Variants in SLC44A5 observed in about 807,000 individuals in gnomAD.
The protein encoded by SLC44A5 is choline transporter-like protein 5.
SLC44A5 carries 57 observed loss-of-function variants against 101.8 expected under a neutral mutation model. That is an observed-to-expected ratio of 0.56 (90% CI 0.45 to 0.70). The LOEUF (loss-of-function observed/expected upper bound fraction) is 0.70, where lower values mean the gene tolerates loss of function less well. Ranked by LOEUF, SLC44A5 falls within the 30% of genes least tolerant of loss-of-function variation. The pLI is 0.00. For synonymous variants in SLC44A5, 281 were observed against 290.9 expected (o/e 0.97, Z 0.35); for missense variants, 737 against 853.1 (o/e 0.86, Z 1.70).
At chr1:75,628,542 A>G in the SLC44A5 span, among the ~76,000 whole-genome samples, 1 of 152,184 alleles carries the variant, frequency 6.6e-6, no homozygotes, top group Non-Finnish European at 1.5e-5. Context: ...AAGAGAGTTT[A>G]AGGTTTCGAT....
intron 1 of SLC44A5, among the ~76,000 whole-genome samples, chr1:75,552,224 A>G (rs368313643): frequency 4.6e-5 from 7 of 152,142 alleles, no homozygotes; most frequent in African/African-American, 1.7e-4. Context: ...CCCATCCTAT[A>G]ATGTCTCTTA....
intron 2 of SLC44A5, among the ~76,000 whole-genome samples, chr1:75,468,678 C>A (rs978041721): frequency 6.6e-6 from 1 of 151,890 alleles, no homozygotes; most frequent in African/African-American, 2.4e-5. Flanking sequence ...CTGGGAAAGG[C>A]AGCAATGGGG....
chr1:75,586,962 T>C (rs1674040996), intron 1 of SLC44A5, among the ~76,000 whole-genome samples: 2 of 151,888 alleles, frequency 1.3e-5, no homozygotes, highest in Admixed American at 1.3e-4. Context: ...GTAGATAGAG[T>C]TATCTCTCAG....
At chr1:75,683,648 C>G in the SLC44A5 span, among the ~76,000 whole-genome samples, 6,700 of 152,118 alleles carry the variant, frequency 0.044, 201 homozygotes, top group African/African-American at 0.092. Context: ...GGAGATATAC[C>G]TAATGCTAGA....
the SLC44A5 span, among the ~76,000 whole-genome samples, chr1:75,631,802 G>A: frequency 3.7e-4 from 56 of 151,946 alleles, no homozygotes; most frequent in Admixed American, 2.0e-3. Flanking sequence ...CCCCCAAAGC[G>A]CTGGGATTAC....
chr1:75,384,567 G>A (rs1661159060), intron 3 of SLC44A5, among the ~76,000 whole-genome samples: 1 of 94,434 alleles, frequency 1.1e-5, no homozygotes, highest in African/African-American at 4.2e-5. Context: ...CAAGTCCTGA[G>A]TGACCTACAA....
intron 1 of SLC44A5, among the ~76,000 whole-genome samples, chr1:75,569,316 C>T (rs923798290): frequency 5.4e-5 from 8 of 148,594 alleles, no homozygotes; most frequent in Non-Finnish European, 8.9e-5. Context: ...TCATGGCTCA[C>T]TGCAGCTTCT....
At chr1:75,422,954 C>T (rs1001127730) in intron 2 of SLC44A5, among the ~76,000 whole-genome samples, 2 of 152,066 alleles carry the variant, frequency 1.3e-5, no homozygotes, top group Non-Finnish European at 2.9e-5. Flanking sequence ...TCTTTATGTG[C>T]TAATTTGAAA....
the SLC44A5 span, chr1:75,642,137 T>C: frequency 3.4e-6 from 3 of 873,450 alleles, no homozygotes; most frequent in Admixed American, 2.6e-5. Flanking sequence ...ATATTAAAAC[T>C]GCCTGTAAAT....
chr1:75,409,416 A>AT (rs1288911410), intron 2 of SLC44A5, among the ~76,000 whole-genome samples: 4 of 151,886 alleles, frequency 2.6e-5, no homozygotes, highest in Non-Finnish European at 5.9e-5. Flanking sequence ...CTTGAATCTA[A>AT]TTTTTTTTAA....
intron 2 of SLC44A5, among the ~76,000 whole-genome samples, chr1:75,441,796 T>C (rs1193570109): frequency 6.6e-6 from 1 of 152,100 alleles, no homozygotes; most frequent in Non-Finnish European, 1.5e-5. Flanking sequence ...TATTATTAGA[T>C]ATATTACAAG....
chr1:75,230,594 C>G (rs1647463387), intron 12 of SLC44A5, among the ~76,000 whole-genome samples: 1 of 151,612 alleles, frequency 6.6e-6, no homozygotes, highest in South Asian at 2.1e-4. Context: ...ATGGTTATTT[C>G]ATGTTCTATA....
the SLC44A5 span, among the ~76,000 whole-genome samples, chr1:75,717,375 T>C: frequency 6.7e-6 from 1 of 149,656 alleles, no homozygotes; most frequent in African/African-American, 2.5e-5. Flanking sequence ...AGAAAAAATA[T>C]CAGAAGTTCT....
At chr1:75,561,728 C>T (rs1373753726) in intron 1 of SLC44A5, among the ~76,000 whole-genome samples, 1 of 152,112 alleles carries the variant, frequency 6.6e-6, no homozygotes, top group African/African-American at 2.4e-5. Context: ...TAAGAGTTGG[C>T]ATTTTCAACT....
chr1:75,720,646 G>T, the SLC44A5 span, among the ~76,000 whole-genome samples: 2 of 152,160 alleles, frequency 1.3e-5, no homozygotes, highest in African/African-American at 4.8e-5. Flanking sequence ...GTCAAACTTT[G>T]TAAAATATTT....
the SLC44A5 span, among the ~76,000 whole-genome samples, chr1:75,717,273 G>A: frequency 2.5e-4 from 38 of 150,928 alleles, no homozygotes; most frequent in African/African-American, 8.3e-4. Context: ...TCTCGGAGAC[G>A]GAGGTTGCAG....
At chr1:75,606,600 T>C (rs1411381707) in intron 1 of SLC44A5, among the ~76,000 whole-genome samples, 1 of 152,018 alleles carries the variant, frequency 6.6e-6, no homozygotes, top group Non-Finnish European at 1.5e-5. Flanking sequence ...CAGTTAACTG[T>C]GCTGTCTTTA....
At chr1:75,206,369 C>A (rs1646749198) in intron 23 of SLC44A5, 1 of 407,394 alleles carries the variant, frequency 2.5e-6, no homozygotes, top group Non-Finnish European at 4.3e-6. Flanking sequence ...ACACTCTCGG[C>A]TACAGATTTT....
chr1:75,419,827 T>C (rs1383149023), intron 2 of SLC44A5, among the ~76,000 whole-genome samples: 1 of 152,152 alleles, frequency 6.6e-6, no homozygotes, highest in Non-Finnish European at 1.5e-5. Flanking sequence ...AATAATTAGA[T>C]CCAGGACAGG....
Sources: allele counts gnomAD v4.1 joint callset (sites outside exome capture counted in the v4.1 genomes callset), GRCh38; gene constraint gnomAD v4.1.1; transcripts MANE v1.5; gene names NCBI Gene and HGNC (gene_info 2026-07-23, HGNC 2026-07-21).